Variants in SAMD12 observed in about 807,000 individuals in gnomAD.
The protein encoded by SAMD12 is sterile alpha motif domain containing 12.
A neutral mutation model predicts 15.0 loss-of-function variants in SAMD12; 9 were observed. The observed-to-expected ratio is 0.60, with a 90% CI of 0.36 to 1.05. The LOEUF (loss-of-function observed/expected upper bound fraction) is 1.05, where lower values mean the gene tolerates loss of function less well. Among genes scored for constraint, SAMD12 ranks in the 50% least tolerant of loss-of-function variants. SAMD12 has a pLI of 0.01. For synonymous variants in SAMD12, 86 were observed against 90.1 expected (o/e 0.96, Z 0.25); for missense variants, 230 against 234.2 (o/e 0.98, Z 0.12).
At chr8:118,238,033 C>T (rs1001249490) in intron 4 of SAMD12, among the ~76,000 whole-genome samples, 69 of 152,048 alleles carry the variant, frequency 4.5e-4, no homozygotes, top group Non-Finnish European at 2.9e-5. Flanking sequence ...AACAAACAAA[C>T]AAACAAAAAG....
At chr8:118,417,431 T>C (rs2130831893) in intron 3 of SAMD12, among the ~76,000 whole-genome samples, 1 of 152,280 alleles carries the variant, frequency 6.6e-6, no homozygotes, top group Admixed American at 6.5e-5. Flanking sequence ...TTAGGCTTCT[T>C]TGTGTTTCCA....
At chr8:118,284,903 C>T (rs893207657) in intron 4 of SAMD12, 2 of 142,594 alleles carry the variant, frequency 1.4e-5, no homozygotes, top group Non-Finnish European at 3.0e-5. Context: ...CATGGCACCA[C>T]TGCACCCCAG....
intron 4 of SAMD12, among the ~76,000 whole-genome samples, chr8:118,351,556 T>C (rs540460325): frequency 6.6e-6 from 1 of 152,226 alleles, no homozygotes; most frequent in East Asian, 1.9e-4. Context: ...TTCACTAGTG[T>C]ATGTTAACCC....
At chr8:118,600,846 C>A (rs559826584) in intron 1 of SAMD12, among the ~76,000 whole-genome samples, 1 of 152,034 alleles carries the variant, frequency 6.6e-6, no homozygotes, top group South Asian at 2.1e-4. Flanking sequence ...CACTCCTTTG[C>A]TTTAAGGATT....
Position 118,463,256 on chromosome 8 carries a change from G to A in SAMD12, c.193-23295C>T, listed in dbSNP as rs78345827. ...ACCTTGAACTCGTTGGGGTGGGGCTGACCCAGCAGTAGGGAATGGGGAGAA... is the reference window on the plus strand; with the variant it reads ...ACCTTGAACTCGTTGGGGTGGGGCTAACCCAGCAGTAGGGAATGGGGAGAA... On this transcript the variant is annotated intron_variant, in intron 2 of 3. Transcript: ENST00000314727. 1.5e-3 allele frequency among the ~76,000 whole-genome samples: 235 copies of A among 152,254 alleles called. 1 individual carries two copies. The East Asian group carries it at 0.038, about 25-fold the overall frequency.
At chr8:118,145,243 G>C in the SAMD12 span, among the ~76,000 whole-genome samples, 1 of 152,124 alleles carries the variant, frequency 6.6e-6, no homozygotes, top group Non-Finnish European at 1.5e-5. Flanking sequence ...ATTATCCTAA[G>C]GGGTAAATTA....
chr8:118,446,064 C>A (rs936616587), intron 2 of SAMD12, among the ~76,000 whole-genome samples: 1 of 152,126 alleles, frequency 6.6e-6, no homozygotes, highest in Non-Finnish European at 1.5e-5. Context: ...TCCTTATTAA[C>A]CAATGTATTC....
At chr8:118,206,277 A>C (rs1819860943) in intron 4 of SAMD12, among the ~76,000 whole-genome samples, 1 of 152,238 alleles carries the variant, frequency 6.6e-6, no homozygotes, top group Non-Finnish European at 1.5e-5. Flanking sequence ...TCTTTCCCCC[A>C]GTACTTAAAT....
At chr8:118,430,256 C>T (rs1010175223) in intron 3 of SAMD12, among the ~76,000 whole-genome samples, 1 of 152,110 alleles carries the variant, frequency 6.6e-6, no homozygotes, top group African/African-American at 2.4e-5. Flanking sequence ...TCAATTTCTA[C>T]CTGAATATTA....
At chr8:118,351,695 A>G (rs1817973332) in intron 4 of SAMD12, among the ~76,000 whole-genome samples, 1 of 152,172 alleles carries the variant, frequency 6.6e-6, no homozygotes, top group South Asian at 2.1e-4. Flanking sequence ...ATTGAGAGAG[A>G]ACTTGAGAGA....
intron 4 of SAMD12, among the ~76,000 whole-genome samples, chr8:118,345,323 T>C (rs1375561290): frequency 6.6e-6 from 1 of 152,218 alleles, no homozygotes; most frequent in East Asian, 1.9e-4. Flanking sequence ...CACACTGCGA[T>C]GCTCACACAA....
the SAMD12 span, among the ~76,000 whole-genome samples, chr8:118,144,803 G>A: frequency 2.2e-3 from 328 of 152,290 alleles, 2 homozygotes; most frequent in African/African-American, 7.5e-3. Flanking sequence ...GTTTTAGAAA[G>A]CTGAAGGCCA....
intron 4 of SAMD12, among the ~76,000 whole-genome samples, chr8:118,314,247 G>C (rs1815767828): frequency 6.6e-6 from 1 of 152,058 alleles, no homozygotes; most frequent in African/African-American, 2.4e-5. Context: ...GTTGCCAGTG[G>C]AAACCTGAAG....
chr8:118,332,989 C>T (rs1816874814), intron 4 of SAMD12, among the ~76,000 whole-genome samples: 2 of 152,196 alleles, frequency 1.3e-5, no homozygotes, highest in South Asian at 4.1e-4. Flanking sequence ...ATGTCTGTCT[C>T]ATGAGGAAAA....
intron 1 of SAMD12, among the ~76,000 whole-genome samples, chr8:118,582,083 T>C (rs148152780): frequency 4.7e-4 from 72 of 152,236 alleles, no homozygotes; most frequent in African/African-American, 1.6e-3. Context: ...TTTGCCAGGA[T>C]TCTGATGAGT....
intron 4 of SAMD12, among the ~76,000 whole-genome samples, chr8:118,227,362 C>G (rs1812210520): frequency 6.6e-6 from 1 of 151,980 alleles, no homozygotes; most frequent in African/African-American, 2.4e-5. Flanking sequence ...TTGGGGCTTA[C>G]TTGAGGGTGG....
chr8:118,200,286 A>G (rs919817722), intron 4 of SAMD12, among the ~76,000 whole-genome samples: 2 of 152,060 alleles, frequency 1.3e-5, no homozygotes, highest in Non-Finnish European at 2.9e-5. Context: ...AGTGACATAC[A>G]GGAGTGATAG....
At chr8:118,597,883 A>AAAT (rs1267287386) in intron 1 of SAMD12, among the ~76,000 whole-genome samples, 2 of 152,176 alleles carry the variant, frequency 1.3e-5, no homozygotes, top group African/African-American at 4.8e-5. Flanking sequence ...CCCCCAACAA[A>AAAT]AATTGTAAGT....
At chr8:118,159,384 G>A in the SAMD12 span, among the ~76,000 whole-genome samples, 17 of 152,272 alleles carry the variant, frequency 1.1e-4, no homozygotes, top group African/African-American at 1.7e-4. Flanking sequence ...CACAGTGGCC[G>A]GACCCCATGC....
Sources: allele counts gnomAD v4.1 joint callset (sites outside exome capture counted in the v4.1 genomes callset), GRCh38; gene constraint gnomAD v4.1.1; transcripts MANE v1.5; gene names NCBI Gene and HGNC (gene_info 2026-07-23, HGNC 2026-07-21).